Variants in CNTNAP2 observed in about 807,000 individuals in gnomAD.
The protein encoded by CNTNAP2 is contactin-associated protein-like 2.
Under a neutral mutation model 155.2 loss-of-function variants are expected in CNTNAP2, and 98 were observed. The observed-to-expected ratio is 0.63, with a 90% confidence interval of 0.54 to 0.75. The LOEUF (loss-of-function observed/expected upper bound fraction) is 0.75, where lower values mean the gene tolerates loss of function less well. CNTNAP2 is among the 30% of genes least tolerant of loss of function. The pLI, the probability that CNTNAP2 is intolerant of heterozygous loss-of-function variation, is 0.00. For synonymous variants in CNTNAP2, 651 were observed against 631.2 expected (o/e 1.03, Z -0.47); for missense variants, 1,727 against 1,688.1 (o/e 1.02, Z -0.40).
intron 11 of CNTNAP2, among the ~76,000 whole-genome samples, chr7:147,524,613 T>C (rs1174262974): frequency 6.6e-6 from 1 of 152,154 alleles, no homozygotes; most frequent in African/African-American, 2.4e-5. Flanking sequence ...TAACTAAGGT[T>C]CAGGTCAGCA....
At chr7:146,828,789 T>G (rs1303628213) in intron 2 of CNTNAP2, among the ~76,000 whole-genome samples, 1 of 152,096 alleles carries the variant, frequency 6.6e-6, no homozygotes, top group Non-Finnish European at 1.5e-5. Context: ...GACCTAATTG[T>G]CACTATTTTA....
At chr7:147,576,110 A>AT (rs11448831) in intron 12 of CNTNAP2, among the ~76,000 whole-genome samples, 104,272 of 151,314 alleles carry the variant, frequency 0.69, 36,497 homozygotes, top group African/African-American at 0.81. Flanking sequence ...TTATTTGAAA[A>AT]TTTTTTTCTT....
intron 8 of CNTNAP2, among the ~76,000 whole-genome samples, chr7:147,233,395 T>C (rs1336531897): frequency 6.6e-6 from 1 of 152,194 alleles, no homozygotes; most frequent in African/African-American, 2.4e-5. Flanking sequence ...ATTTAAGCCA[T>C]CTTTACTTGC....
intron 13 of CNTNAP2, among the ~76,000 whole-genome samples, chr7:147,640,928 A>C (rs1584874167): frequency 6.6e-6 from 1 of 152,228 alleles, no homozygotes; most frequent in East Asian, 1.9e-4. Context: ...CCCAGGGGGA[A>C]AACTGGCCCT....
At chr7:147,052,682 G>A (rs554450987) in intron 4 of CNTNAP2, among the ~76,000 whole-genome samples, 61 of 151,688 alleles carry the variant, frequency 4.0e-4, no homozygotes, top group African/African-American at 1.3e-3. Context: ...TGCTTCATGG[G>A]TTATGTATAT....
chr7:148,003,171 A>G (rs965615035), intron 15 of CNTNAP2, among the ~76,000 whole-genome samples: 2 of 152,136 alleles, frequency 1.3e-5, no homozygotes, highest in Non-Finnish European at 2.9e-5. Flanking sequence ...GTCCTTCCCA[A>G]GGAAGCAGTG....
At chr7:148,368,086 A>C (rs1472489271) in intron 21 of CNTNAP2, among the ~76,000 whole-genome samples, 1 of 152,224 alleles carries the variant, frequency 6.6e-6, no homozygotes, top group East Asian at 1.9e-4. Context: ...CATCTGAGCC[A>C]TGGAAGTCAC....
intron 15 of CNTNAP2, among the ~76,000 whole-genome samples, chr7:148,061,954 TATAGATAGA>T (rs1803152169): frequency 1.0e-5 from 1 of 95,944 alleles, no homozygotes; most frequent in Non-Finnish European, 2.1e-5. Flanking sequence ...GATAAACAGA[TATAGATAGA>T]TAGATAGATA....
chr7:147,311,353 G>C (rs1359575424), intron 9 of CNTNAP2, among the ~76,000 whole-genome samples: 3 of 152,114 alleles, frequency 2.0e-5, no homozygotes, highest in Non-Finnish European at 4.4e-5. Flanking sequence ...ATGGTGAAAG[G>C]GAAGGATGAG....
intron 1 of CNTNAP2, among the ~76,000 whole-genome samples, chr7:146,656,246 C>T (rs1362015398): frequency 6.6e-6 from 1 of 152,194 alleles, no homozygotes; most frequent in Non-Finnish European, 1.5e-5. Context: ...GATCATTGCA[C>T]ACACACTCGT....
intron 13 of CNTNAP2, among the ~76,000 whole-genome samples, chr7:147,706,197 T>C (rs1584910826): frequency 6.6e-6 from 1 of 151,252 alleles, no homozygotes; most frequent in African/African-American, 2.4e-5. Context: ...TTTTTTTTTT[T>C]CCTTATTTGT....
At chr7:146,295,259 G>T (rs1455206310) in intron 1 of CNTNAP2, among the ~76,000 whole-genome samples, 2 of 152,174 alleles carry the variant, frequency 1.3e-5, no homozygotes, top group Non-Finnish European at 2.9e-5. Flanking sequence ...TGTACTGCCA[G>T]CCTCAGGGAG....
rs141146161 is a variant in CNTNAP2 at position 146,454,997 on chromosome 7, C to A, written c.98-319274C>A. On this transcript the variant is annotated intron_variant, in intron 1 of 23. Transcript: ENST00000361727. ...TTATCCTGATGTAGTTGCACACCTTCCTTTGTGCCCTGAATGTGGGCTCTT... is the reference window on the plus strand; with the variant it reads ...TTATCCTGATGTAGTTGCACACCTTACTTTGTGCCCTGAATGTGGGCTCTT... Among the ~76,000 whole-genome samples, 205 of 152,292 alleles carry A rather than the reference C, an allele frequency of 1.3e-3. 1 individual carries two copies. The highest frequency in any genetic ancestry group is 4.5e-3 in the African/African-American group (187 of 41,576).
chr7:148,014,609 T>G (rs1802142658), intron 15 of CNTNAP2, among the ~76,000 whole-genome samples: 1 of 152,206 alleles, frequency 6.6e-6, no homozygotes, highest in Admixed American at 6.5e-5. Context: ...AAAGGCGTGG[T>G]CACTTCCCAC....
Position 147,794,849 on chromosome 7 carries a change from T to C in CNTNAP2, c.2099-108716T>C, listed in dbSNP as rs182170246. 2.4e-3 allele frequency among the ~76,000 whole-genome samples: 372 copies of C among 152,006 alleles called. 3 individuals are homozygous for C. Among genetic ancestry groups the C allele is most frequent in the Middle Eastern group, 3.4e-3 (1 of 294 alleles). ...TGTATTTTTTTAGGAATTTGTCCTT[T>C]GCATCTTGTTTAATTTGTTGGCATA... On this transcript the variant is annotated intron_variant, in intron 13 of 23. Transcript: ENST00000361727.
At chr7:147,548,720 T>C (rs1227273640) in intron 11 of CNTNAP2, among the ~76,000 whole-genome samples, 1 of 152,216 alleles carries the variant, frequency 6.6e-6, no homozygotes, top group Non-Finnish European at 1.5e-5. Flanking sequence ...GGTTTTCTTC[T>C]AGGGTTTTTA....
intron 12 of CNTNAP2, among the ~76,000 whole-genome samples, chr7:147,578,896 A>G (rs889541131): frequency 7.9e-5 from 12 of 152,128 alleles, no homozygotes; most frequent in Admixed American, 5.9e-4. Flanking sequence ...AAGTTTATGA[A>G]CTTTAAATCA....
intron 12 of CNTNAP2, among the ~76,000 whole-genome samples, chr7:147,579,426 G>A (rs930908356): frequency 2.0e-5 from 3 of 152,088 alleles, no homozygotes; most frequent in African/African-American, 7.2e-5. Flanking sequence ...AATGTTATAA[G>A]TATGTATAAA....
At chr7:146,125,669 G>T (rs1309466456) in intron 1 of CNTNAP2, among the ~76,000 whole-genome samples, 2 of 150,990 alleles carry the variant, frequency 1.3e-5, no homozygotes, top group African/African-American at 4.9e-5. Context: ...AAAATGTGCC[G>T]TGGTGGGGTA....
Sources: allele counts gnomAD v4.1 joint callset (sites outside exome capture counted in the v4.1 genomes callset), GRCh38; gene constraint gnomAD v4.1.1; transcripts MANE v1.5; gene names NCBI Gene and HGNC (gene_info 2026-07-23, HGNC 2026-07-21).